DENND6A: variants seen among roughly 807,000 people sequenced by gnomAD.
DENND6A encodes DENN domain containing 6A, also known as protein DENND6A.
Under a neutral mutation model 95.5 loss-of-function variants are expected in DENND6A, and 43 were observed. The ratio of observed to expected loss-of-function variants is 0.45; its 90% CI spans 0.35 to 0.58. DENND6A has a LOEUF of 0.58. Among genes scored for constraint, DENND6A ranks in the 20% least tolerant of loss-of-function variants. DENND6A has a pLI of 0.00. For missense variants in DENND6A, 574 were observed against 736.0 expected (o/e 0.78, Z 2.55); for synonymous variants, 257 against 260.4 (o/e 0.99, Z 0.13).
At chr3:57,629,934 G>A (rs552971866) in intron 18 of DENND6A, among the ~76,000 whole-genome samples, 2 of 152,330 alleles carry the variant, frequency 1.3e-5, no homozygotes, top group African/African-American at 4.8e-5. Context: ...CCAGTAATGT[G>A]CTGGTAAATA....
At chr3:57,670,780 G>A (rs977367608) in intron 3 of DENND6A, among the ~76,000 whole-genome samples, 12 of 152,158 alleles carry the variant, frequency 7.9e-5, no homozygotes, top group Admixed American at 5.2e-4. Context: ...AACCAGCTAT[G>A]ATCTGAAAGA....
At chr3:57,673,213 CAAAAAAAAA>C (rs386396751) in intron 1 of DENND6A, among the ~76,000 whole-genome samples, 2 of 70,714 alleles carry the variant, frequency 2.8e-5, no homozygotes, top group South Asian at 5.6e-4. Flanking sequence ...CATTTCGTAT[CAAAAAAAAA>C]AAAAAAAAAA....
chr3:57,662,962 T>C (rs1170069979), intron 5 of DENND6A, among the ~76,000 whole-genome samples: 1 of 150,796 alleles, frequency 6.6e-6, no homozygotes, highest in Non-Finnish European at 1.5e-5. Context: ...CTATTAAAAA[T>C]ACAAAAATTA....
rs1454450830 is a variant in DENND6A, at chr3:57,692,953, T to C, written c.66A>G (p.Ala22=). 1 of 1,547,898 alleles carries C rather than the reference T, an allele frequency of 6.5e-7. No homozygotes were observed. Residue 22 remains alanine (A), a synonymous_variant, in exon 1 of 20, where the codon GCA becomes GCG. Coordinates refer to ENST00000311128, the MANE Select transcript of DENND6A (RefSeq NM_152678.3). ...CCGGCGCCTCGCGGCCCTCGGCCCC[T>C]GCCACCGCTTCGTCCAACGGCCTTC... The part of the protein sequence containing the change: ...GSRRPLDEAV[A]GAEGREAPAL...
At chr3:57,674,060 G>A (rs2071664934) in intron 1 of DENND6A, among the ~76,000 whole-genome samples, 1 of 151,650 alleles carries the variant, frequency 6.6e-6, no homozygotes, top group African/African-American at 2.4e-5. Context: ...GTGAGCCACC[G>A]TGCCCAGTCA....
At chr3:57,638,257 A>C (rs948694103) in intron 12 of DENND6A, among the ~76,000 whole-genome samples, 1 of 151,958 alleles carries the variant, frequency 6.6e-6, no homozygotes, top group Non-Finnish European at 1.5e-5. Context: ...ACTATTCAGA[A>C]TATATAAAGA....
At chr3:57,672,805 A>AATAT (rs1334026527) in intron 1 of DENND6A, among the ~76,000 whole-genome samples, 13 of 151,734 alleles carry the variant, frequency 8.6e-5, no homozygotes, top group African/African-American at 3.1e-4. Context: ...CAAACAAAAA[A>AATAT]ATATATATAT....
chr3:57,689,587 G>A, intron 1 of DENND6A, among the ~76,000 whole-genome samples: 1 of 152,050 alleles, frequency 6.6e-6, no homozygotes, highest in East Asian at 1.9e-4. Context: ...TTAGGACAGG[G>A]CCTTAAAAGA....
chr3:57,647,669 G>T (rs1227797668), intron 9 of DENND6A, among the ~76,000 whole-genome samples: 3 of 152,146 alleles, frequency 2.0e-5, no homozygotes, highest in Non-Finnish European at 4.4e-5. Context: ...GCAGAGAAAT[G>T]AGGGTATCTC....
At chr3:57,691,979 CCCA>C (rs1194456457) in intron 1 of DENND6A, among the ~76,000 whole-genome samples, 3 of 151,860 alleles carry the variant, frequency 2.0e-5, no homozygotes, top group African/African-American at 7.3e-5. Context: ...CGCATGTAAT[CCCA>C]CCACTTTGGA....
intron 3 of DENND6A, among the ~76,000 whole-genome samples, chr3:57,667,351 C>A (rs1057127169): frequency 5.9e-5 from 9 of 152,028 alleles, no homozygotes; most frequent in African/African-American, 2.2e-4. Flanking sequence ...GAGATGGGGT[C>A]TTGCTATGTT....
rs1333521287 is a variant in DENND6A, at chr3:57,630,698, A to G, written c.1517+17T>C. On this transcript the variant is annotated intron_variant, in intron 17 of 19. Transcript: ENST00000311128. The stretch of plus-strand genomic sequence containing the variant: ...AAAGCACGACACATGGGTGTAAAAC[A>G]GGGAAAAAAGACTAACCGGTAAAGT... 1.4e-5 allele frequency: 22 copies of G among 1,606,400 alleles called. No homozygotes were observed. Among genetic ancestry groups the G allele is most frequent in the Non-Finnish European group, 1.9e-5 (22 of 1,177,416 alleles).
chr3:57,686,351 A>C (rs2077211671), intron 1 of DENND6A, among the ~76,000 whole-genome samples: 1 of 152,262 alleles, frequency 6.6e-6, no homozygotes, highest in African/African-American at 2.4e-5. Context: ...ATCTTTGATT[A>C]CATAAGATTA....
chr3:57,627,780 T>A lies in DENND6A; in HGVS notation c.*434A>T, dbSNP rs543478123. On this transcript the variant is annotated 3_prime_UTR_variant, in exon 20 of 20. Coordinates refer to ENST00000311128, the MANE Select transcript of DENND6A (RefSeq NM_152678.3). ...CATAAGCATCAATTCCTTCTAACCA[T>A]AGGACAGTTCAGTCTTTCTGTTCTT... 6.2e-6 allele frequency: 1 copy of A among 161,086 alleles called. No homozygotes were observed. Among genetic ancestry groups the A allele is most frequent in the African/African-American group, 2.4e-5 (1 of 41,560 alleles). The allele number at this position is 161,086 out of a possible 1,614,324, so 10.0% of individuals were successfully genotyped here.
At chr3:57,633,850 T>A (rs1332841967) in intron 14 of DENND6A, among the ~76,000 whole-genome samples, 1 of 151,372 alleles carries the variant, frequency 6.6e-6, no homozygotes, top group African/African-American at 2.4e-5. Flanking sequence ...GAGATTGTGC[T>A]ATTGCACTCC....
intron 11 of DENND6A, among the ~76,000 whole-genome samples, chr3:57,642,992 G>A (rs2153413459): frequency 7.2e-6 from 1 of 139,852 alleles, no homozygotes; most frequent in Admixed American, 7.4e-5. Context: ...GGGGACAAGA[G>A]CGAGACTTCA....
chr3:57,680,015 G>C (rs1575864960), intron 1 of DENND6A, among the ~76,000 whole-genome samples: 1 of 152,144 alleles, frequency 6.6e-6, no homozygotes, highest in Non-Finnish European at 1.5e-5. Context: ...GGGAACAATG[G>C]ACTGTATGTT....
chr3:57,637,979 C>T (rs1222906203), intron 12 of DENND6A, among the ~76,000 whole-genome samples: 1 of 151,374 alleles, frequency 6.6e-6, no homozygotes, highest in Admixed American at 6.6e-5. Flanking sequence ...ACTAAAAATA[C>T]AAAAATCAGC....
At chr3:57,646,559 A>G in intron 9 of DENND6A, 121 bp from the exon 10 acceptor site, 1 of 1,306,730 alleles carries the variant, frequency 7.7e-7, no homozygotes, top group Non-Finnish European at 1.0e-6. Context: ...TTGTATCCTG[A>G]TCTGATACAC....
Sources: allele counts gnomAD v4.1 joint callset (sites outside exome capture counted in the v4.1 genomes callset), GRCh38; gene constraint gnomAD v4.1.1; transcripts MANE v1.5; gene names NCBI Gene and HGNC (gene_info 2026-07-23, HGNC 2026-07-21).